The following DCC variants were observed in gnomAD, a reference collection of about 807,000 sequenced individuals.
The protein encoded by DCC is DCC netrin 1 receptor.
Under a neutral mutation model 172.5 loss-of-function variants are expected in DCC, and 58 were observed. The observed-to-expected ratio is 0.34, with a 90% CI of 0.27 to 0.42. The LOEUF is 0.42. Among genes scored for constraint, DCC ranks in the 10% least tolerant of loss-of-function variants. The pLI is 1.00. For missense variants in DCC, 1,740 were observed against 1,791.0 expected, an observed-to-expected ratio of 0.97 and a Z score of 0.51; for synonymous variants, 709 against 644.5, an observed-to-expected ratio of 1.10 and a Z score of -1.52.
chr18:53,374,273 T>A (rs1272508974), intron 15 of DCC, among the ~76,000 whole-genome samples: 1 of 152,222 alleles, frequency 6.6e-6, no homozygotes, highest in Non-Finnish European at 1.5e-5. Context: ...GAAAACTTCA[T>A]CATCACAGAA....
At chr18:52,593,784 T>C (rs1201672179) in intron 1 of DCC, among the ~76,000 whole-genome samples, 1 of 152,202 alleles carries the variant, frequency 6.6e-6, no homozygotes, top group Non-Finnish European at 1.5e-5. Context: ...CTTTCCCATT[T>C]TGACAGCTGA....
chr18:53,533,264 C>G lies in DCC; in HGVS notation c.*2611C>G, dbSNP rs2046541667. ...GAAACCTGTGAATACTGCAAACTAG[C>G]CTCTGACTTCCTCCTACTGAGTCTA... is the stretch of plus-strand genomic sequence containing the variant. On this transcript the variant is annotated 3_prime_UTR_variant, in exon 29 of 29. Transcript: ENST00000442544. 6.6e-6 allele frequency: 1 copy of G among 152,102 alleles called. No individual in the cohort carries two copies. Among genetic ancestry groups the G allele is most frequent in the Non-Finnish European group, 1.5e-5 (1 of 68,012 alleles). The allele number at this position is 152,102 out of a possible 1,614,324, so 9.4% of individuals were successfully genotyped here.
At chr18:53,271,895 T>A (rs147994097) in intron 12 of DCC, among the ~76,000 whole-genome samples, 5 of 152,280 alleles carry the variant, frequency 3.3e-5, no homozygotes, top group Admixed American at 6.5e-5. Context: ...CTGAATGTAT[T>A]GTCACCTGCC....
intron 11 of DCC, among the ~76,000 whole-genome samples, chr18:53,210,038 A>G (rs2055723045): frequency 1.3e-5 from 2 of 152,344 alleles, no homozygotes; most frequent in Middle Eastern, 3.4e-3. Flanking sequence ...TCTCAAATGC[A>G]CTGAAAGGAG....
chr18:52,469,195 C>T (rs1353539752), intron 1 of DCC, among the ~76,000 whole-genome samples: 1 of 152,110 alleles, frequency 6.6e-6, no homozygotes, highest in East Asian at 1.9e-4. Context: ...GTAGCTGGGA[C>T]TACAGGCGTC....
chr18:53,047,462 T>TATAC (rs1491432793), intron 5 of DCC, among the ~76,000 whole-genome samples: 7 of 88,674 alleles, frequency 7.9e-5, no homozygotes, highest in African/African-American at 4.6e-5. Flanking sequence ...TATATATATA[T>TATAC]ACCATTTTTG....
chr18:52,980,065 C>T (rs968787814), intron 5 of DCC, among the ~76,000 whole-genome samples: 1 of 152,108 alleles, frequency 6.6e-6, no homozygotes, highest in Non-Finnish European at 1.5e-5. Context: ...ATTATCTGCC[C>T]CCGCCACCCC....
intron 2 of DCC, among the ~76,000 whole-genome samples, chr18:52,807,291 C>A (rs879050793): frequency 6.6e-6 from 1 of 152,148 alleles, no homozygotes; most frequent in Non-Finnish European, 1.5e-5. Context: ...CTCTCTAGCA[C>A]GGTGAGATGC....
At chr18:53,287,125 A>C (rs1199672806) in intron 12 of DCC, among the ~76,000 whole-genome samples, 2 of 152,096 alleles carry the variant, frequency 1.3e-5, no homozygotes, top group African/African-American at 4.8e-5. Flanking sequence ...TCTAGCATTC[A>C]CCTCTCATCT....
chr18:52,396,971 G>T (rs1986254403), intron 1 of DCC, among the ~76,000 whole-genome samples: 1 of 151,984 alleles, frequency 6.6e-6, no homozygotes. Flanking sequence ...CTCAACAAAT[G>T]CTTTCCAGAC....
intron 22 of DCC, among the ~76,000 whole-genome samples, chr18:53,448,502 A>T (rs760676013): frequency 5.3e-5 from 8 of 152,214 alleles, no homozygotes; most frequent in Admixed American, 1.3e-4. Flanking sequence ...CTTCTGGGAC[A>T]CATGGGGATT....
intron 1 of DCC, among the ~76,000 whole-genome samples, chr18:52,376,334 T>A (rs539104461): frequency 3.3e-5 from 5 of 152,304 alleles, no homozygotes; most frequent in Non-Finnish European, 7.4e-5. Context: ...TCATGAAGAA[T>A]GTTCAACTAC....
At chr18:53,130,016 A>T (rs1243149981) in intron 7 of DCC, among the ~76,000 whole-genome samples, 1 of 152,134 alleles carries the variant, frequency 6.6e-6, no homozygotes, top group Non-Finnish European at 1.5e-5. Flanking sequence ...TTAGTGTTGG[A>T]TTTTAACCAC....
chr18:53,288,844 A>T (rs1201346238), intron 12 of DCC, among the ~76,000 whole-genome samples: 1 of 152,174 alleles, frequency 6.6e-6, no homozygotes, highest in Non-Finnish European at 1.5e-5. Flanking sequence ...CTCTTTCTGC[A>T]TGTATAAATA....
At chr18:52,649,234 G>A (rs1284228216) in intron 1 of DCC, among the ~76,000 whole-genome samples, 7 of 152,010 alleles carry the variant, frequency 4.6e-5, no homozygotes, top group African/African-American at 9.7e-5. Context: ...TTAGCCAGGC[G>A]TGGTGGCAGG....
At chr18:52,870,116 G>A (rs528273541) in intron 2 of DCC, among the ~76,000 whole-genome samples, 1 of 152,306 alleles carries the variant, frequency 6.6e-6, no homozygotes, top group South Asian at 2.1e-4. Context: ...GCTCTCGGGG[G>A]TGGGGCTCCC....
At chr18:53,015,719 T>A (rs1363469322) in intron 5 of DCC, among the ~76,000 whole-genome samples, 1 of 152,116 alleles carries the variant, frequency 6.6e-6, no homozygotes, top group Admixed American at 6.5e-5. Context: ...TACTTTACCA[T>A]ATGATGAACA....
chr18:53,337,608 T>A (rs977242282), intron 14 of DCC, among the ~76,000 whole-genome samples: 3 of 152,246 alleles, frequency 2.0e-5, no homozygotes, highest in African/African-American at 7.2e-5. Flanking sequence ...GGCAGACTAA[T>A]AATAGCTTTC....
chr18:52,650,769 C>A (rs1040885918), intron 1 of DCC, among the ~76,000 whole-genome samples: 5 of 152,100 alleles, frequency 3.3e-5, no homozygotes, highest in Admixed American at 1.3e-4. Context: ...AGCTGACATT[C>A]CTAGCAGAGA....
Sources: gnomAD v4.1 joint callset for allele counts (sites outside exome capture counted in the v4.1 genomes callset) on GRCh38, gnomAD v4.1.1 for gene constraint, MANE v1.5 for transcripts, NCBI Gene and HGNC (gene_info 2026-07-23, HGNC 2026-07-21) for gene names.